The following PDE1C variants were observed in gnomAD, a reference collection of about 807,000 sequenced individuals.
The protein encoded by PDE1C is phosphodiesterase 1C.
A neutral mutation model predicts 93.1 loss-of-function variants in PDE1C; 62 were observed. That is an observed-to-expected ratio of 0.67 (90% confidence interval 0.54 to 0.82). PDE1C has a LOEUF of 0.82. Among genes scored for constraint, PDE1C ranks in the 40% least tolerant of loss-of-function variants. The pLI is 0.00. For synonymous variants in PDE1C, 325 were observed against 310.1 expected, an observed-to-expected ratio of 1.05 and a Z score of -0.50; for missense variants, 742 against 884.6, an observed-to-expected ratio of 0.84 and a Z score of 2.04.
At chr7:31,735,336 T>G in the PDE1C span, among the ~76,000 whole-genome samples, 1 of 150,736 alleles carries the variant, frequency 6.6e-6, no homozygotes, top group African/African-American at 2.4e-5. Flanking sequence ...AGGCGGAGGT[T>G]GCAGTGAGCT....
At chr7:31,860,907 TTC>T (rs1347613570) in intron 7 of PDE1C, among the ~76,000 whole-genome samples, 1 of 152,174 alleles carries the variant, frequency 6.6e-6, no homozygotes, top group Non-Finnish European at 1.5e-5. Context: ...AGTGAAAGCA[TTC>T]TCTTTTTTCT....
chr7:32,034,219 T>C (rs1329302214), intron 2 of PDE1C, among the ~76,000 whole-genome samples: 2 of 152,100 alleles, frequency 1.3e-5, no homozygotes, highest in Non-Finnish European at 2.9e-5. Flanking sequence ...ACAGGTTTCC[T>C]TCATGAACTT....
At chr7:31,790,262 G>GA (rs758574486) in intron 16 of PDE1C, 44 of 1,610,598 alleles carry the variant, frequency 2.7e-5, no homozygotes, top group Non-Finnish European at 3.4e-5. Flanking sequence ...TTGTGAATCT[G>GA]AAAAAAAGAA....
chr7:32,293,633 T>A (rs916048361), intron 1 of PDE1C, among the ~76,000 whole-genome samples: 2 of 152,156 alleles, frequency 1.3e-5, no homozygotes, highest in Admixed American at 6.5e-5. Flanking sequence ...GATTTGCCCA[T>A]GGTGCAGAAT....
At chr7:32,063,338 T>C (rs993637426) in intron 1 of PDE1C, among the ~76,000 whole-genome samples, 2 of 152,194 alleles carry the variant, frequency 1.3e-5, no homozygotes, top group Non-Finnish European at 2.9e-5. Context: ...ATCCAGGAGA[T>C]AGGTCCTATA....
chr7:32,071,312 G>C, upstream of PDE1C: 2 of 985,536 alleles, frequency 2.0e-6, no homozygotes, highest in Non-Finnish European at 2.4e-6. Context: ...GTTGGGCCTG[G>C]AGGTCCCCCA....
At chr7:31,809,401 G>A (rs952394924) in intron 15 of PDE1C, among the ~76,000 whole-genome samples, 6 of 152,000 alleles carry the variant, frequency 3.9e-5, no homozygotes, top group Non-Finnish European at 7.4e-5. Context: ...GGAGAAACCC[G>A]AGCTAACTGT....
intron 9 of PDE1C, chr7:31,847,720 A>AG (rs1410515218): frequency 1.2e-5 from 5 of 421,906 alleles, no homozygotes; most frequent in Non-Finnish European, 1.3e-5. Context: ...AAAATAAAGT[A>AG]GTTGGAACTT....
rs142581226 is a variant in PDE1C, at chr7:32,412,788, A to G, written c.310+15034T>C. Among the ~76,000 whole-genome samples the G allele has an allele frequency of 1.9e-3, 285 of 152,364 alleles. 9 individuals are homozygous for G. The East Asian group carries it at 0.053, about 29-fold the overall frequency. Reference sequence around the variant, plus strand: ...TTAATGGAATGAATTATTGACAGGCACATCAACAGAGAATCTCAGAAACAT... The same window carrying G: ...TTAATGGAATGAATTATTGACAGGCGCATCAACAGAGAATCTCAGAAACAT... On this transcript the variant is annotated intron_variant, in intron 1 of 1. Transcript: ENST00000672256.
At chr7:31,660,374 A>G in the PDE1C span, among the ~76,000 whole-genome samples, 3 of 152,304 alleles carry the variant, frequency 2.0e-5, no homozygotes, top group African/African-American at 7.2e-5. Context: ...ATCTATGTAA[A>G]GCTATGGTCT....
chr7:31,652,232 C>A, the PDE1C span, among the ~76,000 whole-genome samples: 2 of 152,194 alleles, frequency 1.3e-5, no homozygotes, highest in Non-Finnish European at 2.9e-5. Context: ...GATGGTGATT[C>A]TGTATCAGAA....
chr7:31,706,712 G>A, the PDE1C span, among the ~76,000 whole-genome samples: 2,057 of 152,252 alleles, frequency 0.014, 15 homozygotes, highest in African/African-American at 0.016. Flanking sequence ...ATATTGAAAG[G>A]ACAGGAAAAG....
At chr7:32,297,228 AAG>A (rs1453944888) in intron 1 of PDE1C, among the ~76,000 whole-genome samples, 1 of 152,154 alleles carries the variant, frequency 6.6e-6, no homozygotes, top group African/African-American at 2.4e-5. Flanking sequence ...TTGAGAACAA[AAG>A]AGGCCCTGAG....
chr7:32,005,183 C>T (rs1331990015), intron 2 of PDE1C, among the ~76,000 whole-genome samples: 2 of 152,144 alleles, frequency 1.3e-5, no homozygotes, highest in Non-Finnish European at 2.9e-5. Context: ...CATGAACTCT[C>T]ATCATTACTC....
intron 1 of PDE1C, among the ~76,000 whole-genome samples, chr7:32,402,699 A>G (rs1414985001): frequency 1.3e-5 from 2 of 152,166 alleles, no homozygotes; most frequent in African/African-American, 4.8e-5. Context: ...CATAAAATTC[A>G]CCATCATACT....
At chr7:32,049,302 T>C (rs1161194582) in intron 2 of PDE1C, among the ~76,000 whole-genome samples, 1 of 152,218 alleles carries the variant, frequency 6.6e-6, no homozygotes, top group Non-Finnish European at 1.5e-5. Flanking sequence ...TAGTTCATTT[T>C]CCTCTCAATG....
chr7:32,164,414 C>T (rs773831370), intron 3 of PDE1C, among the ~76,000 whole-genome samples: 1 of 152,192 alleles, frequency 6.6e-6, no homozygotes, highest in Admixed American at 6.5e-5. Context: ...TATAACCAAT[C>T]ACACCATATC....
At chr7:31,763,985 A>G (rs1794988011) in intron 17 of PDE1C, among the ~76,000 whole-genome samples, 1 of 148,412 alleles carries the variant, frequency 6.7e-6, no homozygotes, top group South Asian at 2.1e-4. Context: ...TGTATATATT[A>G]TATATATTTT....
intron 1 of PDE1C, among the ~76,000 whole-genome samples, chr7:32,288,117 G>A (rs1812112720): frequency 6.6e-6 from 1 of 152,138 alleles, no homozygotes; most frequent in South Asian, 2.1e-4. Flanking sequence ...TTATGCCACT[G>A]CACTCCAGCG....
Sources: allele counts gnomAD v4.1 joint callset (sites outside exome capture counted in the v4.1 genomes callset), GRCh38; gene constraint gnomAD v4.1.1; transcripts MANE v1.5; gene names NCBI Gene and HGNC (gene_info 2026-07-23, HGNC 2026-07-21).